Variants in NSMCE2 observed in about 807,000 individuals in gnomAD.
NSMCE2 encodes NSE2 SUMO ligase component of SMC5/6 complex.
In NSMCE2, 24 loss-of-function variants were observed where a neutral mutation model predicts 23.8. The observed-to-expected ratio is 1.01, with a 90% CI of 0.73 to 1.42. The LOEUF (loss-of-function observed/expected upper bound fraction) is 1.42. Ranked by LOEUF, NSMCE2 falls within the 40% of genes most tolerant of loss-of-function variation. The probability of loss-of-function intolerance (pLI) is 0.00; values close to 1 mark genes in which losing one functional copy is unlikely to be tolerated. For missense variants in NSMCE2, 284 were observed against 296.5 expected (o/e 0.96, Z 0.31); for synonymous variants, 92 against 94.1 (o/e 0.98, Z 0.13).
intron 3 of NSMCE2, among the ~76,000 whole-genome samples, chr8:125,148,386 C>T (rs1006710583): frequency 1.3e-5 from 2 of 152,254 alleles, no homozygotes; most frequent in Non-Finnish European, 2.9e-5. Flanking sequence ...TCATTTATTT[C>T]GTTTTGCAGC....
At chr8:125,283,164 A>C (rs1474130954) in intron 5 of NSMCE2, among the ~76,000 whole-genome samples, 1 of 152,254 alleles carries the variant, frequency 6.6e-6, no homozygotes, top group Non-Finnish European at 1.5e-5. Flanking sequence ...TAAAGCTCTT[A>C]GCACAAGGTC....
intron 4 of NSMCE2, among the ~76,000 whole-genome samples, chr8:125,163,041 A>G (rs1192486692): frequency 6.6e-6 from 1 of 152,102 alleles, no homozygotes; most frequent in African/African-American, 2.4e-5. Flanking sequence ...GAATATCTGT[A>G]TATAGCAATG....
chr8:125,119,118 G>A (rs1209418061), intron 3 of NSMCE2, among the ~76,000 whole-genome samples: 1 of 152,122 alleles, frequency 6.6e-6, no homozygotes, highest in Non-Finnish European at 1.5e-5. Flanking sequence ...CTTTTTAAGA[G>A]CTATTGAGAG....
chr8:125,229,232 G>A (rs180998169), intron 5 of NSMCE2, among the ~76,000 whole-genome samples: 1 of 152,186 alleles, frequency 6.6e-6, no homozygotes, highest in South Asian at 2.1e-4. Flanking sequence ...AAAGAAAAGA[G>A]AGATGCAAGA....
chr8:125,206,062 T>C (rs1467145955), intron 5 of NSMCE2, among the ~76,000 whole-genome samples: 2 of 152,206 alleles, frequency 1.3e-5, no homozygotes, highest in Non-Finnish European at 2.9e-5. Context: ...GTGAAAATTA[T>C]CTATAAAATG....
chr8:125,198,055 C>T (rs774533287), intron 5 of NSMCE2, among the ~76,000 whole-genome samples: 15 of 152,112 alleles, frequency 9.9e-5, no homozygotes, highest in South Asian at 4.1e-4. Context: ...GAGACTTTGC[C>T]GAAGTTGCTT....
At chr8:125,256,947 A>G (rs1563747331) in intron 5 of NSMCE2, among the ~76,000 whole-genome samples, 3 of 142,794 alleles carry the variant, frequency 2.1e-5, no homozygotes, top group African/African-American at 8.2e-5. Context: ...AAAAAAAAAA[A>G]AAAAAAAAAA....
chr8:125,349,354 A>C (rs1014407863), intron 5 of NSMCE2, among the ~76,000 whole-genome samples: 5 of 152,222 alleles, frequency 3.3e-5, no homozygotes, highest in Non-Finnish European at 5.9e-5. Flanking sequence ...CAAGTAAAAT[A>C]ATATGGGCAG....
intron 5 of NSMCE2, among the ~76,000 whole-genome samples, chr8:125,345,785 G>T: frequency 6.6e-6 from 1 of 152,210 alleles, no homozygotes; most frequent in Admixed American, 6.5e-5. Flanking sequence ...ATGGGGGATA[G>T]GATTGAAGTG....
intron 3 of NSMCE2, among the ~76,000 whole-genome samples, chr8:125,110,177 T>C (rs1818659474): frequency 6.6e-6 from 1 of 152,206 alleles, no homozygotes; most frequent in African/African-American, 2.4e-5. Flanking sequence ...CATGCCTCTC[T>C]GCCAGGGCAA....
At chr8:125,094,695 C>G (rs1410226959) in intron 1 of NSMCE2, among the ~76,000 whole-genome samples, 1 of 152,196 alleles carries the variant, frequency 6.6e-6, no homozygotes, top group South Asian at 2.1e-4. Flanking sequence ...TTATTTCTTA[C>G]AGTTCTGGAG....
At chr8:125,227,129 C>T (rs1346949396) in intron 5 of NSMCE2, among the ~76,000 whole-genome samples, 1 of 152,108 alleles carries the variant, frequency 6.6e-6, no homozygotes, top group Non-Finnish European at 1.5e-5. Flanking sequence ...TTTCAGGTTC[C>T]TTTTAAGTCA....
chr8:125,099,163 G>A (rs779134410), intron 1 of NSMCE2, among the ~76,000 whole-genome samples: 14 of 152,078 alleles, frequency 9.2e-5, no homozygotes, highest in Non-Finnish European at 1.9e-4. Context: ...GTGTAATTGG[G>A]GACTAGACAC....
chr8:125,099,504 T>C (rs768302335), intron 1 of NSMCE2, among the ~76,000 whole-genome samples: 1 of 151,808 alleles, frequency 6.6e-6, no homozygotes, highest in Non-Finnish European at 1.5e-5. Context: ...CTACAACATA[T>C]GGAGCTCAAG....
chr8:125,156,224 C>G (rs1821300163), intron 4 of NSMCE2: 1 of 176,128 alleles, frequency 5.7e-6, no homozygotes, highest in Non-Finnish European at 1.2e-5. Context: ...TATTATGATC[C>G]TTAGTTGTGT....
chr8:125,122,860 TG>T (rs1324577900), intron 3 of NSMCE2, among the ~76,000 whole-genome samples: 2 of 152,160 alleles, frequency 1.3e-5, no homozygotes, highest in African/African-American at 4.8e-5. Context: ...CCAGCCAAGT[TG>T]GGGCTTCGTG....
intron 5 of NSMCE2, among the ~76,000 whole-genome samples, chr8:125,331,291 C>G (rs1412215971): frequency 6.6e-6 from 1 of 152,088 alleles, no homozygotes; most frequent in African/African-American, 2.4e-5. Flanking sequence ...CAGAGCGAGA[C>G]TCCGTCTCAA....
intron 5 of NSMCE2, among the ~76,000 whole-genome samples, chr8:125,227,450 C>T (rs962231150): frequency 6.6e-5 from 10 of 152,164 alleles, no homozygotes; most frequent in Non-Finnish European, 7.3e-5. Flanking sequence ...GCTGCCTTAC[C>T]GAATAACGAA....
chr8:125,100,119 C>T (rs974807254), intron 1 of NSMCE2, among the ~76,000 whole-genome samples: 5 of 151,770 alleles, frequency 3.3e-5, no homozygotes, highest in East Asian at 1.9e-4. Context: ...GAGAGGTAAG[C>T]GGTGGGAGCT....
Sources: allele counts gnomAD v4.1 joint callset (sites outside exome capture counted in the v4.1 genomes callset), GRCh38; gene constraint gnomAD v4.1.1; transcripts MANE v1.5; gene names NCBI Gene and HGNC (gene_info 2026-07-23, HGNC 2026-07-21).